COL28A1: variants seen among roughly 807,000 people sequenced by gnomAD.
COL28A1 encodes the protein collagen type XXVIII alpha 1 chain.
Under a neutral mutation model 150.2 loss-of-function variants are expected in COL28A1, and 161 were observed. That is an observed-to-expected ratio of 1.07 (90% CI 0.94 to 1.22). The LOEUF (loss-of-function observed/expected upper bound fraction) is 1.22, where lower values mean the gene tolerates loss of function less well. Among genes scored for constraint, COL28A1 ranks in the 50% most tolerant of loss-of-function variants. The pLI is 0.00. For missense variants in COL28A1, 1,617 were observed against 1,388.3 expected (o/e 1.16, Z -2.62); for synonymous variants, 552 against 469.7 (o/e 1.18, Z -2.26).
At chr7:7,393,494 G>A (rs1342213868) in intron 27 of COL28A1, among the ~76,000 whole-genome samples, 2 of 152,216 alleles carry the variant, frequency 1.3e-5, no homozygotes, top group Non-Finnish European at 2.9e-5. Flanking sequence ...GCTGGGAGAT[G>A]CACTGCTCTC....
the COL28A1 span, among the ~76,000 whole-genome samples, chr7:7,349,969 G>A: frequency 3.3e-5 from 5 of 152,092 alleles, no homozygotes; most frequent in African/African-American, 9.7e-5. Flanking sequence ...TTAAGGACAT[G>A]GAGAGAGATA....
At position 7,358,374 on chromosome 7, in the gene COL28A1, C is replaced by G. The variant is rs1780442293; in HGVS notation, c.*259G>C. The stretch of plus-strand genomic sequence containing the variant: ...GTCTGTGTATTGAAGTTACACAGCT[C>G]TAAGTCTAAATCCTCAGCTCTGAAA... On this transcript the variant is annotated 3_prime_UTR_variant, in exon 35 of 35. Transcript: ENST00000399429. 1 of 361,964 alleles carries G rather than the reference C, an allele frequency of 2.8e-6. No individual in the cohort carries two copies. The highest frequency in any genetic ancestry group is 2.1e-5 in the African/African-American group (1 of 47,384). 22.4% of individuals were successfully genotyped at this position (361,964 alleles called of 1,614,324 possible).
intron 13 of COL28A1, among the ~76,000 whole-genome samples, chr7:7,481,260 G>A (rs1789362451): frequency 1.3e-5 from 2 of 152,170 alleles, no homozygotes; most frequent in Admixed American, 6.5e-5. Flanking sequence ...TGCTGAGAAC[G>A]GAGAGTTAAT....
intron 12 of COL28A1, 59 bp from the exon 13 acceptor site, chr7:7,489,516 C>T (rs374053091): frequency 1.2e-4 from 100 of 867,910 alleles, no homozygotes; most frequent in Non-Finnish European, 1.5e-4. Context: ...ATAAACATAG[C>T]GCAAAGTTCT....
At chr7:7,353,905 C>T (rs982501438), downstream of COL28A1, among the ~76,000 whole-genome samples, 1 of 152,028 alleles carries the variant, frequency 6.6e-6, no homozygotes, top group Non-Finnish European at 1.5e-5. Context: ...CTGTGGGCAT[C>T]CAGGAAATGA....
Position 7,531,722 on chromosome 7 carries a change from G to C in COL28A1, c.307C>G (p.Gln103Glu), listed in dbSNP as rs1782371788. 6.2e-7 allele frequency: 1 copy of C among 1,604,274 alleles called. No homozygotes were observed. The highest frequency in any genetic ancestry group is 1.3e-5 in the African/African-American group (1 of 74,820). ...LAALQFSSSV[Q>E]IDPPFSSWKD... ...CAGGAAGAAAAAGGTGGATCAATTTGGACAGAGCTGCTAAACTGAAGGGCT... is the reference window on the plus strand; with the variant it reads ...CAGGAAGAAAAAGGTGGATCAATTTCGACAGAGCTGCTAAACTGAAGGGCT... The change falls in exon 3 of 35, where the codon CAA becomes GAA. Residue 103 changes from glutamine (Q) to glutamate (E), a missense_variant. Coordinates refer to ENST00000399429, the MANE Select transcript of COL28A1 (RefSeq NM_001037763.3).
In COL28A1 at chr7:7,380,665, G is replaced by A; in HGVS notation, c.2317C>T (p.Leu773Phe). The change falls in exon 30 of 35, where the codon CTT (leucine) becomes TTT (phenylalanine). Residue 773 changes from leucine (L) to phenylalanine (F), a missense_variant. Coordinates refer to ENST00000399429, the MANE Select transcript of COL28A1 (RefSeq NM_001037763.3). ...GLQGPKGDLG[L>F]TKEEIIKLIT... ...CCTCTAGAATGGATACTCACTGTAA[G>A]TCCTAGGTCTCCTTTGGGTCCTTGT... 1.9e-6 allele frequency: 3 copies of A among 1,613,490 alleles called. No individual in the cohort carries two copies. Among genetic ancestry groups the A allele is most frequent in the Admixed American group, 1.7e-5 (1 of 60,026 alleles).
chr7:7,486,600 T>A (rs1779638171), intron 13 of COL28A1, among the ~76,000 whole-genome samples: 1 of 152,202 alleles, frequency 6.6e-6, no homozygotes, highest in African/African-American at 2.4e-5. Context: ...AAGTTCCTCC[T>A]CTATTTATAG....
chr7:7,365,748 T>G (rs1006272888), intron 33 of COL28A1, among the ~76,000 whole-genome samples: 2 of 152,056 alleles, frequency 1.3e-5, no homozygotes, highest in African/African-American at 4.8e-5. Flanking sequence ...TTCCCAGGAG[T>G]GTGGGTCAAA....
At chr7:7,344,167 A>G in the COL28A1 span, among the ~76,000 whole-genome samples, 24 of 152,186 alleles carry the variant, frequency 1.6e-4, no homozygotes, top group African/African-American at 5.3e-4. Flanking sequence ...GTAGTTATCT[A>G]TAAGTTTGAA....
chr7:7,443,694 A>G, intron 19 of COL28A1, 41 bp from the exon 20 acceptor site: 1 of 1,612,668 alleles, frequency 6.2e-7, no homozygotes. Flanking sequence ...ACCCTCCAGT[A>G]GACAGACTGT....
chr7:7,465,210 A>G (rs1184481158), intron 15 of COL28A1, among the ~76,000 whole-genome samples: 2 of 151,824 alleles, frequency 1.3e-5, no homozygotes, highest in East Asian at 2.0e-4. Flanking sequence ...TCATCCCACT[A>G]GGGAGTGCCA....
In COL28A1 at chr7:7,532,795, T is replaced by C. The variant is rs1225482751; in HGVS notation, c.81A>G (p.Lys27=). ...TTGCAAGCAAATTTGATTTTGGTCC[T>C]TTCTTTCTTTGTCCGGATACTGTTT... ...TSQTVSGQRK[K]GPKSNLLARK... The change falls in exon 2 of 35, where the codon AAA becomes AAG. Residue 27 remains lysine, a synonymous_variant. Coordinates refer to ENST00000399429, the MANE Select transcript of COL28A1 (RefSeq NM_001037763.3). The C allele has an allele frequency of 1.2e-6, 2 of 1,612,062 alleles. No homozygotes were observed.
intron 21 of COL28A1, 42 bp downstream of exon 21, chr7:7,440,748 T>C (rs1785708064): frequency 1.2e-6 from 1 of 818,888 alleles, no homozygotes; most frequent in Non-Finnish European, 2.0e-6. Context: ...CCAGACACAA[T>C]ACAAACTCCT....
chr7:7,448,125 T>G (rs1442038646), intron 18 of COL28A1, among the ~76,000 whole-genome samples: 1 of 152,152 alleles, frequency 6.6e-6, no homozygotes, highest in Non-Finnish European at 1.5e-5. Flanking sequence ...GAATTGCTAT[T>G]TCAAGAAATA....
intron 15 of COL28A1, among the ~76,000 whole-genome samples, chr7:7,456,949 A>G (rs1320027220): frequency 6.6e-6 from 1 of 152,246 alleles, no homozygotes; most frequent in African/African-American, 2.4e-5. Context: ...AGAGGGAATG[A>G]GCCAGGTAGA....
At chr7:7,353,711 C>A (rs1259770653), downstream of COL28A1, among the ~76,000 whole-genome samples, 2 of 152,128 alleles carry the variant, frequency 1.3e-5, no homozygotes, top group African/African-American at 4.8e-5. Flanking sequence ...GACAAAGGGA[C>A]AAACACCCAA....
At chr7:7,411,022 A>C (rs1783760253) in intron 27 of COL28A1, among the ~76,000 whole-genome samples, 1 of 152,182 alleles carries the variant, frequency 6.6e-6, no homozygotes, top group East Asian at 1.9e-4. Flanking sequence ...TGGATTCTGG[A>C]AACACTTTCA....
the COL28A1 span, among the ~76,000 whole-genome samples, chr7:7,543,496 T>C: frequency 2.0e-4 from 30 of 152,322 alleles, no homozygotes; most frequent in African/African-American, 7.0e-4. Context: ...AAGACAGTAA[T>C]TCAAGCCCTA....
Sources: allele counts gnomAD v4.1 joint callset (sites outside exome capture counted in the v4.1 genomes callset), GRCh38; gene constraint gnomAD v4.1.1; transcripts MANE v1.5; gene names NCBI Gene and HGNC (gene_info 2026-07-23, HGNC 2026-07-21).